ZYG11B: variants seen among roughly 807,000 people sequenced by gnomAD.
ZYG11B encodes the protein protein zyg-11 homolog B.
A neutral mutation model predicts 82.4 loss-of-function variants in ZYG11B; 36 were observed. That is an observed-to-expected ratio of 0.44 (90% CI 0.33 to 0.58). The LOEUF is 0.58. Ranked by LOEUF, ZYG11B falls within the 20% of genes least tolerant of loss-of-function variation. The pLI, the probability that ZYG11B is intolerant of heterozygous loss-of-function variation, is 0.02. For synonymous variants in ZYG11B, 303 were observed against 312.8 expected (o/e 0.97, Z 0.33); for missense variants, 552 against 895.6 (o/e 0.62, Z 4.90).
chr1:52,762,980 G>GGT (rs1553259209), intron 2 of ZYG11B, among the ~76,000 whole-genome samples: 1 of 142,308 alleles, frequency 7.0e-6, no homozygotes, highest in African/African-American at 2.5e-5. Flanking sequence ...AGAGATTGGG[G>GGT]GGGGGGGGTC....
intron 3 of ZYG11B, among the ~76,000 whole-genome samples, chr1:52,775,080 T>C (rs887704801): frequency 6.6e-5 from 10 of 151,824 alleles, no homozygotes; most frequent in Non-Finnish European, 1.0e-4. Flanking sequence ...ATATCATACT[T>C]GTCTTGTTTT....
chr1:52,803,103 T>TATATATATATATATATATATACAC lies in ZYG11B; in HGVS notation c.1695+979_1695+980insTATATACACATATATATATATATA, dbSNP rs1558140012. On this transcript the variant is annotated intron_variant, in intron 10 of 13. Transcript: ENST00000294353. ...ATATATACACATATATATATACATA[T>TATATATATATATATATATATACAC]ATATATATATATATACACACATATA... Among the ~76,000 whole-genome samples the TATATATATATATATATATATACAC allele has an allele frequency of 1.4e-4, 11 of 79,730 alleles. 1 individual carries two copies. Among genetic ancestry groups the TATATATATATATATATATATACAC allele is most frequent in the Non-Finnish European group, 1.9e-4 (10 of 53,156 alleles). The allele number at this position is 79,730 out of a possible 152,430, so 52.3% of individuals were successfully genotyped here. A position where few individuals can be genotyped will look rare whatever the true frequency, so the allele number is the denominator to read the frequency against.
At chr1:52,731,148 C>G (rs1644328431) in intron 1 of ZYG11B, among the ~76,000 whole-genome samples, 1 of 151,918 alleles carries the variant, frequency 6.6e-6, no homozygotes, top group Non-Finnish European at 1.5e-5. Flanking sequence ...TGGCAGGTGC[C>G]TGTAATCCCA....
chr1:52,807,491 C>CTTTTTTTTT, intron 10 of ZYG11B, among the ~76,000 whole-genome samples: 1 of 128,946 alleles, frequency 7.8e-6, no homozygotes, highest in Non-Finnish European at 1.6e-5. Flanking sequence ...GCTAAGAGTA[C>CTTTTTTTTT]TTTTTTTTTT....
chr1:52,757,010 G>C (rs1464279607), intron 2 of ZYG11B, among the ~76,000 whole-genome samples: 1 of 149,686 alleles, frequency 6.7e-6, no homozygotes, highest in Non-Finnish European at 1.5e-5. Context: ...TTTCTAATGG[G>C]GCAAACGTTT....
chr1:52,756,485 G>A lies in ZYG11B; in HGVS notation c.58G>A (p.Asp20Asn), dbSNP rs182853855. 33 of 1,613,974 alleles carry A rather than the reference G, an allele frequency of 2.0e-5. No homozygotes were observed. The East Asian group carries it at 7.4e-4, about 36-fold the overall frequency. Reference protein sequence around the residue: ...MEEASPYSLLDICLNFLTTHL... With the variant: ...MEEASPYSLLNICLNFLTTHL... Reference sequence around the variant, plus strand: ...GGAGGCGTCTCCCTATTCCTTACTTGATATCTGCTTGAATTTCTTGACTAC... The same window carrying A: ...GGAGGCGTCTCCCTATTCCTTACTTAATATCTGCTTGAATTTCTTGACTAC... Residue 20 changes from aspartate (D) to asparagine (N), a missense_variant, in exon 2 of 14, where the codon GAT (aspartate) becomes AAT (asparagine). Around this residue, in one of 3 missense-constraint regions of ZYG11B, gnomAD observed 359 missense variants for 555.8 expected, o/e 0.65. Transcript: ENST00000294353.
At chr1:52,791,851 A>G (rs1347033666) in intron 6 of ZYG11B, among the ~76,000 whole-genome samples, 1 of 152,224 alleles carries the variant, frequency 6.6e-6, no homozygotes, top group Non-Finnish European at 1.5e-5. Flanking sequence ...CTCTGTGCTC[A>G]TCATCGTAAC....
At chr1:52,816,485 C>A in intron 12 of ZYG11B, 47 bp from the exon 13 acceptor site, 2 of 1,338,096 alleles carry the variant, frequency 1.5e-6, no homozygotes, top group Non-Finnish European at 1.1e-6. Context: ...TAGGAAATTA[C>A]GCTAAATATG....
Position 52,825,678 on chromosome 1 carries a change from A to C in ZYG11B, c.*4049A>C, listed in dbSNP as rs1026233756. The C allele has an allele frequency of 6.9e-6, 1 of 145,844 alleles. No homozygotes were observed. Among genetic ancestry groups the C allele is most frequent in the Admixed American group, 6.9e-5 (1 of 14,434 alleles). The allele number at this position is 145,844 out of a possible 1,614,324, so 9.0% of individuals were successfully genotyped here. On this transcript the variant is annotated 3_prime_UTR_variant, in exon 14 of 14. Transcript: ENST00000294353. Reference sequence around the variant, plus strand: ...TAAAAAAAAAAAAAAAAAAAAAGCGAGAGAGAGAGATGGTGTCTCACTGTG... The same window carrying C: ...TAAAAAAAAAAAAAAAAAAAAAGCGCGAGAGAGAGATGGTGTCTCACTGTG...
chr1:52,790,073 T>C lies in ZYG11B; in HGVS notation c.1334+6T>C. ...CAAGATGTTCCATTTAACAGGCAAG[T>C]GATAGCTCTAGAACTTAAAGTGGGG... On this transcript the variant is annotated splice_donor_region_variant and intron_variant, in intron 6 of 13. Transcript: ENST00000294353. 6.3e-7 allele frequency: 1 copy of C among 1,590,720 alleles called. No individual in the cohort carries two copies.
intron 8 of ZYG11B, among the ~76,000 whole-genome samples, chr1:52,799,502 A>G (rs1645057427): frequency 6.6e-6 from 1 of 151,264 alleles, no homozygotes; most frequent in South Asian, 2.1e-4. Flanking sequence ...AAAAAAACAA[A>G]AGAAAGAAAA....
chr1:52,783,077 C>A (rs987813782), intron 4 of ZYG11B, among the ~76,000 whole-genome samples: 3 of 152,162 alleles, frequency 2.0e-5, no homozygotes, highest in Middle Eastern at 3.4e-3. Context: ...TAGGCACCTG[C>A]CACCACGCCC....
At position 52,821,539 on chromosome 1, in the gene ZYG11B, T is replaced by C; in HGVS notation, c.2145T>C (p.Ala715=). Reference sequence around the variant, plus strand: ...CTGATCCCCATGTCCAACAGATTGCTGTGGCCATTCTGGATAGCTTAGAAA... The same window carrying C: ...CTGATCCCCATGTCCAACAGATTGCCGTGGCCATTCTGGATAGCTTAGAAA... ...EHTDPHVQQI[A]VAILDSLEKH... Residue 715 remains alanine, a synonymous_variant, in exon 14 of 14, where the codon GCT becomes GCC. Transcript: ENST00000294353. 1 of 1,614,212 alleles carries C rather than the reference T, an allele frequency of 6.2e-7. No homozygotes were observed. The highest frequency in any genetic ancestry group is 8.5e-7 in the Non-Finnish European group (1 of 1,180,024).
In ZYG11B at chr1:52,779,912, G is replaced by A. The variant is rs753071878; in HGVS notation, c.1011G>A (p.Arg337=). ...IAEALKRYSE[R]AFFVREALFH... ...AAGCACTGAAGCGTTACAGTGAACG[G>A]GCATTCTTTGTTCGGGAAGCTCTAT... Residue 337 remains arginine (R), a synonymous_variant, in exon 4 of 14, where the codon CGG becomes CGA. Coordinates refer to ENST00000294353, the MANE Select transcript of ZYG11B (RefSeq NM_024646.3). The A allele has an allele frequency of 1.9e-6, 3 of 1,614,150 alleles. No homozygotes were observed. The highest frequency in any genetic ancestry group is 2.5e-6 in the Non-Finnish European group (3 of 1,180,016).
chr1:52,808,744 T>C (rs1645161661), intron 10 of ZYG11B, among the ~76,000 whole-genome samples: 1 of 152,214 alleles, frequency 6.6e-6, no homozygotes, highest in South Asian at 2.1e-4. Flanking sequence ...CATGTTAAGC[T>C]GCTTGACATT....
rs1230103146 is a variant in ZYG11B at position 52,771,476 on chromosome 1, A to AC, written c.654dup (p.Lys220GlufsTer24). 6.2e-7 allele frequency: 1 copy of AC among 1,613,460 alleles called. No individual in the cohort carries two copies. Among genetic ancestry groups the AC allele is most frequent in the Admixed American group, 1.7e-5 (1 of 60,000 alleles). ...CGACTCAAGTCTCTAACCATGCACC[A>AC]CTTGAAATGTTTAAAAATGACAACT... On this transcript the variant is annotated frameshift_variant, in exon 3 of 14. Coordinates refer to ENST00000294353, the MANE Select transcript of ZYG11B (RefSeq NM_024646.3). LOFTEE classifies it high-confidence loss of function. The surrounding 1 kb of genome is among the most constrained non-coding windows in gnomAD (Gnocchi z 5.4).
At chr1:52,747,366 T>C (rs1644485904) in intron 1 of ZYG11B, among the ~76,000 whole-genome samples, 1 of 152,032 alleles carries the variant, frequency 6.6e-6, no homozygotes, top group Non-Finnish European at 1.5e-5. Flanking sequence ...TCACCTCCTG[T>C]CTGGGCCACT....
chr1:52,816,407 C>A, intron 12 of ZYG11B, 125 bp from the exon 13 acceptor site: 1 of 649,098 alleles, frequency 1.5e-6, no homozygotes, highest in Non-Finnish European at 2.7e-6. Flanking sequence ...TATTCTATAG[C>A]TCATTTATAT....
chr1:52,760,552 C>T (rs1399737335), intron 2 of ZYG11B, among the ~76,000 whole-genome samples: 1 of 152,070 alleles, frequency 6.6e-6, no homozygotes, highest in Non-Finnish European at 1.5e-5. Flanking sequence ...AATTTTTTTA[C>T]TTATTTACTC....
Sources: gnomAD v4.1 joint callset for allele counts (sites outside exome capture counted in the v4.1 genomes callset) on GRCh38, gnomAD v4.1.1 for gene constraint, gnomAD v4.1.1 regional missense constraint, Gnocchi (gnomAD v3.1) non-coding constraint, MANE v1.5 for transcripts, NCBI Gene and HGNC (gene_info 2026-07-23, HGNC 2026-07-21) for gene names.